Variants in TLN2 observed in about 807,000 individuals in gnomAD.
TLN2 encodes the protein talin 2, also known as talin-2.
Under a neutral mutation model 294.7 loss-of-function variants are expected in TLN2, and 118 were observed. The observed-to-expected ratio is 0.40, with a 90% CI of 0.34 to 0.47. The LOEUF is 0.47. TLN2 is among the 20% of genes least tolerant of loss of function. The pLI is 0.84. For synonymous variants in TLN2, 1,431 were observed against 1,304.5 expected (o/e 1.10, Z -2.09); for missense variants, 3,083 against 3,282.2 (o/e 0.94, Z 1.48).
intron 37 of TLN2, among the ~76,000 whole-genome samples, chr15:62,759,715 G>A (rs1055970759): frequency 1.3e-5 from 2 of 152,184 alleles, no homozygotes; most frequent in African/African-American, 4.8e-5. Context: ...GCTGGAAGTC[G>A]TGTGATCCCA....
At chr15:62,751,811 C>T (rs1046974496) in intron 34 of TLN2, among the ~76,000 whole-genome samples, 3 of 152,192 alleles carry the variant, frequency 2.0e-5, no homozygotes, top group Admixed American at 2.0e-4. Context: ...AGAAAGAATA[C>T]ACCACACCAG....
intron 31 of TLN2, among the ~76,000 whole-genome samples, chr15:62,739,750 T>C (rs780361459): frequency 5.3e-5 from 8 of 152,212 alleles, no homozygotes; most frequent in African/African-American, 1.2e-4. Context: ...GAGGTGCTGT[T>C]AGTAATAAAG....
chr15:62,679,022 T>C (rs997410506), intron 11 of TLN2, among the ~76,000 whole-genome samples: 49 of 128,570 alleles, frequency 3.8e-4, no homozygotes, highest in East Asian at 2.4e-4. Context: ...TAACAAGATA[T>C]ACCAAGTCTT....
At chr15:62,492,677 C>T (rs550984594) in intron 1 of TLN2, among the ~76,000 whole-genome samples, 33 of 151,978 alleles carry the variant, frequency 2.2e-4, no homozygotes, top group Admixed American at 2.6e-4. Context: ...AACGCATTTC[C>T]CCCCATAGAT....
chr15:62,677,938 G>A (rs544936137), intron 11 of TLN2, among the ~76,000 whole-genome samples: 2 of 150,636 alleles, frequency 1.3e-5, no homozygotes, highest in Non-Finnish European at 2.9e-5. Flanking sequence ...TAGGGTTACA[G>A]GCATGCACCA....
chr15:62,721,355 G>A (rs917799853), intron 25 of TLN2, among the ~76,000 whole-genome samples: 4 of 152,150 alleles, frequency 2.6e-5, no homozygotes, highest in African/African-American at 7.2e-5. Flanking sequence ...GTATGTTTTT[G>A]CCAGTTTGCT....
intron 1 of TLN2, among the ~76,000 whole-genome samples, chr15:62,485,695 T>C (rs2038352375): frequency 6.6e-6 from 1 of 152,186 alleles, no homozygotes; most frequent in African/African-American, 2.4e-5. Flanking sequence ...TTCCTATACT[T>C]CTTAGGGAGA....
rs56258541 is a variant in TLN2, at chr15:62,673,310, C to CTTTTTTTTTTTTTTTTTTT, written c.789-499_789-498insTTTTTTTTTTTTTTTTTTT. 3.2e-3 allele frequency among the ~76,000 whole-genome samples: 139 copies of CTTTTTTTTTTTTTTTTTTT among 42,894 alleles called. 28 individuals carry two copies. The highest frequency in any genetic ancestry group is 3.8e-3 in the Non-Finnish European group (88 of 23,324). The allele number at this position is 42,894 out of a possible 152,430, so 28.1% of individuals were successfully genotyped here. On this transcript the variant is annotated intron_variant, in intron 9 of 58. Transcript: ENST00000636159. ...GTTTGCTTTAGATTTTTAGATGTTG[C>CTTTTTTTTTTTTTTTTTTT]TTTTTTTTTTTTTTTTTTGCAATTT...
intron 21 of TLN2, among the ~76,000 whole-genome samples, chr15:62,709,902 T>C (rs942089714): frequency 6.6e-5 from 10 of 151,856 alleles, no homozygotes; most frequent in Admixed American, 2.0e-4. Flanking sequence ...GCCCGGCTAA[T>C]TTTTGTATTT....
At chr15:62,803,850 G>A (rs929277115) in intron 50 of TLN2, among the ~76,000 whole-genome samples, 2 of 152,120 alleles carry the variant, frequency 1.3e-5, no homozygotes, top group African/African-American at 4.8e-5. Context: ...GCTTATAGGT[G>A]TTCATTTGTG....
intron 1 of TLN2, among the ~76,000 whole-genome samples, chr15:62,398,121 C>T (rs112586372): frequency 0.072 from 10,947 of 152,220 alleles, 523 homozygotes; most frequent in Middle Eastern, 0.18. Context: ...ATAATCCCCA[C>T]GTGTCGTGGG....
chr15:62,823,377 C>T (rs2067748119), intron 54 of TLN2, among the ~76,000 whole-genome samples: 1 of 152,122 alleles, frequency 6.6e-6, no homozygotes, highest in Non-Finnish European at 1.5e-5. Context: ...CAATCTGCAC[C>T]AAAATCAGCC....
intron 37 of TLN2, among the ~76,000 whole-genome samples, chr15:62,761,053 G>C (rs2062631602): frequency 6.6e-6 from 1 of 152,136 alleles, no homozygotes; most frequent in African/African-American, 2.4e-5. Context: ...ACCCATTTGT[G>C]GGTGGCCCGT....
chr15:62,556,045 T>G (rs541064161), intron 1 of TLN2, among the ~76,000 whole-genome samples: 8 of 152,018 alleles, frequency 5.3e-5, no homozygotes, highest in African/African-American at 1.9e-4. Flanking sequence ...TAGTTGACTT[T>G]ACAAACTGAG....
chr15:62,664,913 C>A (rs935379865), intron 9 of TLN2, among the ~76,000 whole-genome samples: 14 of 138,648 alleles, frequency 1.0e-4, no homozygotes, highest in African/African-American at 3.6e-4. Context: ...ATGGGATTTC[C>A]ACTAATTCTG....
intron 1 of TLN2, among the ~76,000 whole-genome samples, chr15:62,547,415 A>T (rs2042055547): frequency 6.6e-6 from 1 of 152,222 alleles, no homozygotes; most frequent in Non-Finnish European, 1.5e-5. Flanking sequence ...TGGACATAGT[A>T]CTGGGTCCTG....
At chr15:62,535,042 CTAGGTATGG>C (rs1157113591) in intron 1 of TLN2, among the ~76,000 whole-genome samples, 1 of 152,144 alleles carries the variant, frequency 6.6e-6, no homozygotes, top group African/African-American at 2.4e-5. Context: ...TTATTTGCTG[CTAGGTATGG>C]TATCATTTTG....
At chr15:62,758,072 T>A (rs2062418310) in intron 37 of TLN2, among the ~76,000 whole-genome samples, 1 of 152,168 alleles carries the variant, frequency 6.6e-6, no homozygotes, top group African/African-American at 2.4e-5. Flanking sequence ...GCTCTTAAGT[T>A]TTATGCTGCT....
intron 30 of TLN2, among the ~76,000 whole-genome samples, chr15:62,738,776 C>T (rs1304730272): frequency 6.6e-6 from 1 of 152,162 alleles, no homozygotes; most frequent in Non-Finnish European, 1.5e-5. Flanking sequence ...TTTGTTTCTT[C>T]TCTGCACAGG....
Sources: gnomAD v4.1 joint callset for allele counts (sites outside exome capture counted in the v4.1 genomes callset) on GRCh38, gnomAD v4.1.1 for gene constraint, MANE v1.5 for transcripts, NCBI Gene and HGNC (gene_info 2026-07-23, HGNC 2026-07-21) for gene names.